MRPL1: variants seen among roughly 807,000 people sequenced by gnomAD.
The protein encoded by MRPL1 is mitochondrial ribosomal protein L1, also known as large ribosomal subunit protein uL1m.
In MRPL1, 28 loss-of-function variants were observed where a neutral mutation model predicts 38.0. The ratio of observed to expected loss-of-function variants is 0.74; its 90% CI spans 0.55 to 1.01. The LOEUF (loss-of-function observed/expected upper bound fraction) is 1.01, where lower values mean the gene tolerates loss of function less well. MRPL1 is among the 50% of genes least tolerant of loss of function. The pLI is 0.00. For missense variants in MRPL1, 358 were observed against 389.8 expected, an observed-to-expected ratio of 0.92 and a Z score of 0.69; for synonymous variants, 123 against 126.7, an observed-to-expected ratio of 0.97 and a Z score of 0.20.
chr4:77,900,102 A>T (rs1736001632), intron 6 of MRPL1, among the ~76,000 whole-genome samples: 1 of 152,228 alleles, frequency 6.6e-6, no homozygotes, highest in African/African-American at 2.4e-5. Context: ...TACATAACAT[A>T]TGATGTGTGG....
chr4:77,899,160 A>ATTTTTTTTT (rs1214514714), intron 6 of MRPL1, among the ~76,000 whole-genome samples: 2 of 126,522 alleles, frequency 1.6e-5, no homozygotes, highest in African/African-American at 2.9e-5. Context: ...CGCCTGGCTC[A>ATTTTTTTTT]TTTTTTTTTT....
At chr4:77,949,611 A>C (rs559204066) in intron 7 of MRPL1, among the ~76,000 whole-genome samples, 186 bp from the exon 8 acceptor site, 1 of 152,332 alleles carries the variant, frequency 6.6e-6, no homozygotes, top group South Asian at 2.1e-4. Flanking sequence ...AAATCTATTA[A>C]ATCTTGACAT....
chr4:77,905,361 G>T (rs1264053996), intron 6 of MRPL1, among the ~76,000 whole-genome samples: 1 of 151,794 alleles, frequency 6.6e-6, no homozygotes, highest in Non-Finnish European at 1.5e-5. Context: ...GCTGGATATG[G>T]TGGCGCACAC....
At position 77,925,341 on chromosome 4, in the gene MRPL1, T is replaced by G. The variant is rs193299902; in HGVS notation, c.777+15969T>G. On this transcript the variant is annotated intron_variant, in intron 7 of 8. Transcript: ENST00000315567. The stretch of plus-strand genomic sequence containing the variant: ...AGAGATATAATTAAGTACTTTTTTT[T>G]TTTTGTTTTTTGTTTTTTTTTCTTT... Among the ~76,000 whole-genome samples the G allele has an allele frequency of 8.0e-3, 1,218 of 151,442 alleles. 9 individuals are homozygous for G. Among genetic ancestry groups the G allele is most frequent in the Middle Eastern group, 0.017 (5 of 292 alleles).
intron 7 of MRPL1, among the ~76,000 whole-genome samples, chr4:77,943,101 T>C (rs1359470607): frequency 6.6e-6 from 1 of 152,168 alleles, no homozygotes; most frequent in Non-Finnish European, 1.5e-5. Flanking sequence ...CAGCATTTGT[T>C]TGTCTGAAAA....
chr4:77,948,357 A>G (rs948032146), intron 7 of MRPL1, among the ~76,000 whole-genome samples: 8 of 152,182 alleles, frequency 5.3e-5, no homozygotes, highest in African/African-American at 1.9e-4. Flanking sequence ...TTATTTTTCA[A>G]CATAAAATAT....
intron 7 of MRPL1, among the ~76,000 whole-genome samples, chr4:77,932,565 G>C (rs1316614742): frequency 6.6e-6 from 1 of 151,960 alleles, no homozygotes; most frequent in Non-Finnish European, 1.5e-5. Context: ...GTGAAGGAGG[G>C]TTTTCCACAG....
At chr4:77,896,527 G>A (rs1054207538) in intron 6 of MRPL1, among the ~76,000 whole-genome samples, 3 of 152,142 alleles carry the variant, frequency 2.0e-5, no homozygotes, top group African/African-American at 7.2e-5. Context: ...CATCAGATGT[G>A]CATTAGAACA....
intron 6 of MRPL1, among the ~76,000 whole-genome samples, chr4:77,900,636 G>A (rs1736010539): frequency 6.6e-6 from 1 of 152,186 alleles, no homozygotes. Context: ...AGATACTGGT[G>A]GTCAATGGGA....
chr4:77,865,867 G>A (rs1735130686), intron 1 of MRPL1, among the ~76,000 whole-genome samples: 1 of 152,072 alleles, frequency 6.6e-6, no homozygotes, highest in Non-Finnish European at 1.5e-5. Flanking sequence ...CCTCAGTCAT[G>A]TTACTCCTGT....
At chr4:77,907,528 C>G (rs62302724) in intron 6 of MRPL1, among the ~76,000 whole-genome samples, 1 of 131,046 alleles carries the variant, frequency 7.6e-6, no homozygotes, top group African/African-American at 3.0e-5. Flanking sequence ...TCCTCCTTCC[C>G]TCTCTCTCTC....
intron 2 of MRPL1, among the ~76,000 whole-genome samples, chr4:77,880,709 A>C (rs1411804215): frequency 6.6e-6 from 1 of 152,112 alleles, no homozygotes; most frequent in Non-Finnish European, 1.5e-5. Flanking sequence ...AGTTCTTTTT[A>C]TCTTCAAATT....
chr4:77,867,353 G>T (rs1422701766), intron 1 of MRPL1, among the ~76,000 whole-genome samples: 1 of 152,062 alleles, frequency 6.6e-6, no homozygotes. Flanking sequence ...CATAATATTT[G>T]AGTCCAATTT....
At chr4:77,930,432 A>C (rs1317737350) in intron 7 of MRPL1, among the ~76,000 whole-genome samples, 3 of 152,216 alleles carry the variant, frequency 2.0e-5, no homozygotes, top group African/African-American at 7.2e-5. Context: ...TTAGATTTTC[A>C]AAGGAATGCA....
At chr4:77,902,700 A>T (rs1302596560) in intron 6 of MRPL1, among the ~76,000 whole-genome samples, 1 of 152,186 alleles carries the variant, frequency 6.6e-6, no homozygotes, top group Non-Finnish European at 1.5e-5. Flanking sequence ...CATATCCCAT[A>T]AATTTAAATG....
intron 7 of MRPL1, among the ~76,000 whole-genome samples, chr4:77,941,757 CTT>C (rs1737135730): frequency 6.6e-6 from 1 of 152,012 alleles, no homozygotes. Context: ...TGGATTTTCT[CTT>C]TTTCTTCATT....
chr4:77,898,085 C>T (rs914042658), intron 6 of MRPL1, among the ~76,000 whole-genome samples: 5 of 152,172 alleles, frequency 3.3e-5, no homozygotes, highest in African/African-American at 1.2e-4. Context: ...TTGCATAGGT[C>T]TGTAGTAGTA....
intron 1 of MRPL1, among the ~76,000 whole-genome samples, chr4:77,867,799 C>A (rs1735183099): frequency 7.1e-6 from 1 of 141,414 alleles, no homozygotes. Flanking sequence ...CTCTGTCGAC[C>A]AGGCTAGAGG....
intron 7 of MRPL1, among the ~76,000 whole-genome samples, chr4:77,922,557 G>T (rs1229133993): frequency 6.6e-6 from 1 of 152,190 alleles, no homozygotes; most frequent in Non-Finnish European, 1.5e-5. Flanking sequence ...AGGGTCTTTT[G>T]CAATAACCTT....
Sources: allele counts gnomAD v4.1 joint callset (sites outside exome capture counted in the v4.1 genomes callset), GRCh38; gene constraint gnomAD v4.1.1; transcripts MANE v1.5; gene names NCBI Gene and HGNC (gene_info 2026-07-23, HGNC 2026-07-21).